Variants in CALN1 observed in about 807,000 individuals in gnomAD.
The protein encoded by CALN1 is calcium-binding protein 8.
Under a neutral mutation model 30.6 loss-of-function variants are expected in CALN1, and 17 were observed. The observed-to-expected ratio is 0.56, with a 90% CI of 0.38 to 0.83. CALN1 has a LOEUF of 0.83. Ranked by LOEUF, CALN1 falls within the 40% of genes least tolerant of loss-of-function variation. The pLI is 0.00. For synonymous variants in CALN1, 156 were observed against 131.4 expected, an observed-to-expected ratio of 1.19 and a Z score of -1.28; for missense variants, 291 against 354.9, an observed-to-expected ratio of 0.82 and a Z score of 1.45.
chr7:72,080,389 G>T (rs1805054019), intron 4 of CALN1, among the ~76,000 whole-genome samples: 1 of 152,172 alleles, frequency 6.6e-6, no homozygotes. Context: ...CACAGGGATT[G>T]ATTTACTGCG....
chr7:72,013,001 A>T (rs564509947), intron 5 of CALN1, among the ~76,000 whole-genome samples: 4 of 152,046 alleles, frequency 2.6e-5, no homozygotes, highest in Admixed American at 2.6e-4. Context: ...TTTTACCATA[A>T]TGGTCAGGCT....
At chr7:71,903,470 T>C (rs1562886863) in intron 5 of CALN1, among the ~76,000 whole-genome samples, 2 of 152,148 alleles carry the variant, frequency 1.3e-5, no homozygotes, top group African/African-American at 4.8e-5. Context: ...GTCTCTTCAA[T>C]GAATGGTGTT....
chr7:72,096,196 G>A (rs1461523158), intron 4 of CALN1, among the ~76,000 whole-genome samples: 2 of 152,184 alleles, frequency 1.3e-5, no homozygotes, highest in Non-Finnish European at 2.9e-5. Flanking sequence ...GACTCTGCCT[G>A]TCCCTGGACC....
intron 3 of CALN1, among the ~76,000 whole-genome samples, chr7:72,140,661 C>A (rs894672073): frequency 1.3e-5 from 2 of 152,226 alleles, no homozygotes; most frequent in Admixed American, 6.5e-5. Flanking sequence ...AATGAATGAA[C>A]AGAGGCAACC....
chr7:71,873,021 T>TTTTTTTTA (rs1792031967), intron 5 of CALN1, among the ~76,000 whole-genome samples: 3 of 149,756 alleles, frequency 2.0e-5, no homozygotes, highest in African/African-American at 7.4e-5. Flanking sequence ...TTTTTTTTTT[T>TTTTTTTTA]GAGATGGAGT....
At position 72,089,308 on chromosome 7, in the gene CALN1, T is replaced by C. The variant is rs540982576; in HGVS notation, c.388+16843A>G. ...ATCACTAAAGAGGGTAAAAGTAAGA[T>C]ATCTACCTTCCACACAGTTGGGTGG... On this transcript the variant is annotated intron_variant, in intron 4 of 6. Coordinates refer to ENST00000395275, the MANE Select transcript of CALN1 (RefSeq NM_031468.4). Among the ~76,000 whole-genome samples, 53 of 152,272 alleles carry C rather than the reference T, an allele frequency of 3.5e-4. 2 individuals are homozygous for C. In the South Asian group the frequency reaches 9.5e-3, roughly 27 times the overall value.
intron 1 of CALN1, among the ~76,000 whole-genome samples, chr7:72,407,401 G>A (rs1259316174): frequency 1.3e-5 from 2 of 152,230 alleles, no homozygotes; most frequent in Non-Finnish European, 2.9e-5. Context: ...CAATGTTGGA[G>A]GTGGGGCCTG....
At chr7:72,093,093 GA>G in intron 4 of CALN1, among the ~76,000 whole-genome samples, 1 of 152,018 alleles carries the variant, frequency 6.6e-6, no homozygotes, top group Non-Finnish European at 1.5e-5. Flanking sequence ...CTGCAAAGGG[GA>G]AAAAAATGGG....
At chr7:72,096,567 G>A (rs1218734096) in intron 4 of CALN1, among the ~76,000 whole-genome samples, 1 of 152,036 alleles carries the variant, frequency 6.6e-6, no homozygotes, top group Non-Finnish European at 1.5e-5. Flanking sequence ...AGCCCTTTGG[G>A]AGACCGAGGA....
chr7:72,050,110 C>T (rs1802744189), intron 4 of CALN1, among the ~76,000 whole-genome samples: 1 of 152,022 alleles, frequency 6.6e-6, no homozygotes, highest in Non-Finnish European at 1.5e-5. Flanking sequence ...TGAGGCCCCT[C>T]GCCCGGCCGA....
At chr7:71,990,958 A>G (rs770208149) in intron 5 of CALN1, among the ~76,000 whole-genome samples, 1 of 151,818 alleles carries the variant, frequency 6.6e-6, no homozygotes, top group Admixed American at 6.6e-5. Flanking sequence ...CAGAGGACCA[A>G]CATTAGAATC....
chr7:72,202,739 C>T (rs2521204), intron 3 of CALN1, among the ~76,000 whole-genome samples: 5 of 152,136 alleles, frequency 3.3e-5, no homozygotes, highest in Non-Finnish European at 7.3e-5. Flanking sequence ...GTACATATCA[C>T]CAATAAGCAG....
intron 5 of CALN1, among the ~76,000 whole-genome samples, chr7:71,892,802 TGTTCTGA>T (rs1793318637): frequency 6.6e-6 from 1 of 152,222 alleles, no homozygotes; most frequent in African/African-American, 2.4e-5. Flanking sequence ...ACATTTTGTA[TGTTCTGA>T]GTTTTGTATG....
At chr7:72,036,524 A>G (rs181869199) in intron 4 of CALN1, among the ~76,000 whole-genome samples, 79 of 152,184 alleles carry the variant, frequency 5.2e-4, no homozygotes, top group Non-Finnish European at 1.3e-4. Context: ...ACGTTCCTTC[A>G]ATCTTTTTTC....
chr7:72,031,427 T>G (rs1472547679), intron 4 of CALN1, among the ~76,000 whole-genome samples: 1 of 152,194 alleles, frequency 6.6e-6, no homozygotes, highest in Admixed American at 6.5e-5. Context: ...CTTGTTGAAT[T>G]CCATGCCAAC....
intron 2 of CALN1, among the ~76,000 whole-genome samples, chr7:72,357,724 C>T (rs1433543271): frequency 1.3e-5 from 2 of 151,390 alleles, no homozygotes; most frequent in Non-Finnish European, 2.9e-5. Context: ...GTATTTATAA[C>T]AACCCAATGT....
upstream of CALN1, among the ~76,000 whole-genome samples, chr7:72,451,236 A>AAGGAGGAAG (rs1261063492): frequency 1.1e-4 from 10 of 92,048 alleles, no homozygotes; most frequent in South Asian, 2.2e-3. Flanking sequence ...GGAGGAGGAG[A>AAGGAGGAAG]AGGAGGAAGA....
At chr7:72,364,945 G>A (rs1043150095) in intron 2 of CALN1, among the ~76,000 whole-genome samples, 5 of 151,250 alleles carry the variant, frequency 3.3e-5, no homozygotes, top group African/African-American at 4.9e-5. Context: ...CAAGGCAGGC[G>A]GATCACCTGA....
chr7:72,441,212 A>G (rs1808332414), intron 1 of CALN1, among the ~76,000 whole-genome samples: 1 of 152,186 alleles, frequency 6.6e-6, no homozygotes, highest in Non-Finnish European at 1.5e-5. Flanking sequence ...AGTCAGTAGG[A>G]GCTAAGGGAA....
Sources: allele counts gnomAD v4.1 joint callset (sites outside exome capture counted in the v4.1 genomes callset), GRCh38; gene constraint gnomAD v4.1.1; transcripts MANE v1.5; gene names NCBI Gene and HGNC (gene_info 2026-07-23, HGNC 2026-07-21).